The following OSBPL10 variants were observed in gnomAD, a reference collection of about 807,000 sequenced individuals.
OSBPL10 encodes oxysterol-binding protein-related protein 10.
In OSBPL10, 49 loss-of-function variants were observed where a neutral mutation model predicts 81.7. The observed-to-expected ratio is 0.60, with a 90% confidence interval of 0.48 to 0.76. OSBPL10 has a LOEUF of 0.76. Among genes scored for constraint, OSBPL10 ranks in the 30% least tolerant of loss-of-function variants. The probability of loss-of-function intolerance (pLI) is 0.00; values close to 1 mark genes in which losing one functional copy is unlikely to be tolerated. For missense variants in OSBPL10, 923 were observed against 987.8 expected, an observed-to-expected ratio of 0.93 and a Z score of 0.88; for synonymous variants, 419 against 383.6, an observed-to-expected ratio of 1.09 and a Z score of -1.08.
intron 6 of OSBPL10, among the ~76,000 whole-genome samples, chr3:31,730,064 C>T (rs145270504): frequency 4.6e-5 from 7 of 152,230 alleles, no homozygotes; most frequent in East Asian, 3.9e-4. Flanking sequence ...AGAGAGTGGC[C>T]GGGCACGGTG....
chr3:31,663,364 A>T (rs1575459828), intron 11 of OSBPL10: 1 of 985,698 alleles, frequency 1.0e-6, no homozygotes, highest in African/African-American at 1.7e-5. Context: ...CTCTTCATTG[A>T]TGTTGCTGGG....
exon 1 of OSBPL10, chr3:32,077,542 G>A (rs1425465714): frequency 6.6e-6 from 1 of 152,144 alleles, no homozygotes; most frequent in Non-Finnish European, 1.5e-5. Flanking sequence ...AGTCAAAATG[G>A]TGGTGCACAA....
chr3:32,013,251 AC>A (rs1427632447), intron 2 of OSBPL10, among the ~76,000 whole-genome samples: 1 of 152,246 alleles, frequency 6.6e-6, no homozygotes, highest in Non-Finnish European at 1.5e-5. Context: ...TGTCCCTCAG[AC>A]CACGGTGCAA....
Position 32,021,054 on chromosome 3 carries a change from C to T in OSBPL10, n.298+25437G>A, listed in dbSNP as rs146384381. ...GTACGTGCTTTCCTGATATTGCTTC[C>T]TCTTCTCATTAAAACACCAGTTCTG... On this transcript the variant is annotated intron_variant and non_coding_transcript_variant, in intron 2 of 3. Transcript: ENST00000479173. Among the ~76,000 whole-genome samples, 1,443 of 152,262 alleles carry T rather than the reference C, an allele frequency of 9.5e-3. 27 individuals are homozygous for T. Among genetic ancestry groups the T allele is most frequent in the African/African-American group, 0.033 (1,356 of 41,532 alleles).
chr3:31,996,379 A>T (rs1472221897), intron 2 of OSBPL10, among the ~76,000 whole-genome samples: 1 of 152,222 alleles, frequency 6.6e-6, no homozygotes, highest in East Asian at 1.9e-4. Flanking sequence ...GGGAACAATG[A>T]TATGATTGTG....
Position 31,683,920 on chromosome 3 carries a change from G to A in OSBPL10, c.1440C>T (p.Asn480=), listed in dbSNP as rs767510172. 8.7e-6 allele frequency: 14 copies of A among 1,614,132 alleles called. No homozygotes were observed. Among genetic ancestry groups the A allele is most frequent in the African/African-American group, 6.7e-5 (5 of 74,946 alleles). ...RKGALAKKPY[N]PIIGETFHCS... is the part of the protein sequence containing the mutation. ...AGTGAAATGTCTCGCCTATGATGGG[G>A]TTGTAGGGCTTCTTGGCTAAAGCGC... Residue 480 remains asparagine, a synonymous_variant, in exon 8 of 12, where the codon AAC becomes AAT. Coordinates refer to ENST00000396556, the MANE Select transcript of OSBPL10 (RefSeq NM_017784.5).
chr3:31,746,426 C>G lies in OSBPL10; in HGVS notation c.940+1484G>C, dbSNP rs142732566. On this transcript the variant is annotated intron_variant, in intron 5 of 11. Transcript: ENST00000396556. ...AAAACAGAATGCTGAGGCCTGTAAT[C>G]CCAGCACTTTGGGAGGCTGAGGCGG... is the stretch of plus-strand genomic sequence containing the variant. 7.1e-4 allele frequency among the ~76,000 whole-genome samples: 108 copies of G among 152,230 alleles called. No individual in the cohort carries two copies. The East Asian group carries it at 0.018, about 26-fold the overall frequency.
At chr3:31,967,542 G>C (rs1698434667) in intron 1 of OSBPL10, among the ~76,000 whole-genome samples, 1 of 152,126 alleles carries the variant, frequency 6.6e-6, no homozygotes, top group African/African-American at 2.4e-5. Context: ...CTATGTTGGA[G>C]TAATGAGGAA....
chr3:31,859,163 GT>G (rs948517574), intron 3 of OSBPL10, among the ~76,000 whole-genome samples: 2 of 151,610 alleles, frequency 1.3e-5, no homozygotes, highest in Admixed American at 6.6e-5. Context: ...CAGAAACCAG[GT>G]TTTTTTTTTT....
At chr3:31,838,065 G>A (rs1184140781) in intron 3 of OSBPL10, among the ~76,000 whole-genome samples, 1 of 152,148 alleles carries the variant, frequency 6.6e-6, no homozygotes. Flanking sequence ...GAAAGATCAA[G>A]TTAATTTTGA....
intron 4 of OSBPL10, among the ~76,000 whole-genome samples, chr3:31,769,455 A>C (rs1234325482): frequency 1.9e-4 from 16 of 86,044 alleles, no homozygotes; most frequent in African/African-American, 7.5e-4. Context: ...CAAAAAAAAA[A>C]AAACAAAAAA....
At chr3:31,926,731 G>A (rs1416258848) in intron 1 of OSBPL10, among the ~76,000 whole-genome samples, 1 of 152,134 alleles carries the variant, frequency 6.6e-6, no homozygotes, top group African/African-American at 2.4e-5. Context: ...TCATGCAGAG[G>A]TTATTACTTT....
chr3:32,010,840 A>G (rs77348918), intron 2 of OSBPL10, among the ~76,000 whole-genome samples: 1 of 152,154 alleles, frequency 6.6e-6, no homozygotes, highest in South Asian at 2.1e-4. Flanking sequence ...AGCCTCACTC[A>G]TTGCTAGCAC....
intron 8 of OSBPL10, 133 bp from the exon 9 acceptor site, chr3:31,671,116 C>G: frequency 1.2e-6 from 1 of 843,586 alleles, no homozygotes; most frequent in Non-Finnish European, 1.8e-6. Context: ...CAGAGGTGAG[C>G]TGCTCGTTCA....
intron 4 of OSBPL10, among the ~76,000 whole-genome samples, chr3:31,754,711 ACT>A (rs1697836875): frequency 1.3e-5 from 2 of 152,148 alleles, no homozygotes; most frequent in Admixed American, 1.3e-4. Flanking sequence ...CAACTACTCA[ACT>A]CTGTCACTGT....
At chr3:31,726,603 C>T (rs757548799) in intron 6 of OSBPL10, among the ~76,000 whole-genome samples, 17 of 152,064 alleles carry the variant, frequency 1.1e-4, no homozygotes, top group Admixed American at 2.0e-4. Context: ...CGTGAGCCAC[C>T]GCACCTGACC....
chr3:32,028,579 A>G (rs1308481300), intron 2 of OSBPL10, among the ~76,000 whole-genome samples: 4 of 152,196 alleles, frequency 2.6e-5, no homozygotes, highest in Admixed American at 2.0e-4. Flanking sequence ...TCAAATTGCA[A>G]TATGAAACTG....
intron 4 of OSBPL10, among the ~76,000 whole-genome samples, chr3:31,813,649 G>C (rs1425736783): frequency 6.6e-6 from 1 of 152,168 alleles, no homozygotes; most frequent in Non-Finnish European, 1.5e-5. Context: ...AATGGGGTAG[G>C]GGAGGGGACG....
chr3:31,693,689 A>T (rs4485757), intron 7 of OSBPL10, among the ~76,000 whole-genome samples: 90,639 of 152,148 alleles, frequency 0.6, 28,576 homozygotes, highest in Non-Finnish European at 0.72. Context: ...TTTGTGGTCA[A>T]ATGGCAGAGC....
Sources: gnomAD v4.1 joint callset for allele counts (sites outside exome capture counted in the v4.1 genomes callset) on GRCh38, gnomAD v4.1.1 for gene constraint, MANE v1.5 for transcripts, NCBI Gene and HGNC (gene_info 2026-07-23, HGNC 2026-07-21) for gene names.